The following FBXO32 variants were observed in gnomAD, a reference collection of about 807,000 sequenced individuals.
FBXO32 encodes F-box only protein 32.
In FBXO32, 15 loss-of-function variants were observed where a neutral mutation model predicts 48.3. That is an observed-to-expected ratio of 0.31 (90% CI 0.21 to 0.48). The LOEUF is 0.48. Among genes scored for constraint, FBXO32 ranks in the 20% least tolerant of loss-of-function variants. The probability of loss-of-function intolerance (pLI) is 0.99; values close to 1 mark genes in which losing one functional copy is unlikely to be tolerated. For synonymous variants in FBXO32, 154 were observed against 165.9 expected, an observed-to-expected ratio of 0.93 and a Z score of 0.55; for missense variants, 309 against 432.7, an observed-to-expected ratio of 0.71 and a Z score of 2.54.
chr8:123,537,044 C>T (rs1817322501), intron 1 of FBXO32, among the ~76,000 whole-genome samples: 1 of 152,074 alleles, frequency 6.6e-6, no homozygotes, highest in Non-Finnish European at 1.5e-5. Flanking sequence ...GGAGGAAGGG[C>T]CTGGAAAGAA....
rs1286605227 is a variant in FBXO32, at chr8:123,503,009, A to ATT, written c.*362_*363dup. The ATT allele has an allele frequency of 6.3e-6, 1 of 158,560 alleles. No homozygotes were observed. The highest frequency in any genetic ancestry group is 2.4e-5 in the African/African-American group (1 of 41,648). 9.8% of individuals were successfully genotyped at this position (158,560 alleles called of 1,614,324 possible). A position where few individuals can be genotyped will look rare whatever the true frequency, so the allele number is the denominator to read the frequency against. ...TTGTAAACAAAGCGTCCTATTTTGTATTTGAGTTTTGCCTTTTTCTTCCTA... is the reference window on the plus strand; with the variant it reads ...TTGTAAACAAAGCGTCCTATTTTGTATTTTTGAGTTTTGCCTTTTTCTTCCTA... On this transcript the variant is annotated 3_prime_UTR_variant, in exon 9 of 9. Transcript: ENST00000517956.
intron 3 of FBXO32, 76 bp downstream of exon 3, chr8:123,533,115 C>G (rs891943516): frequency 1.8e-6 from 2 of 1,106,694 alleles, no homozygotes; most frequent in African/African-American, 3.1e-5. Flanking sequence ...TAATTTCCCT[C>G]CCTACCATAT....
chr8:123,509,641 A>T (rs1397801919), intron 6 of FBXO32, among the ~76,000 whole-genome samples: 2 of 152,212 alleles, frequency 1.3e-5, no homozygotes, highest in Non-Finnish European at 2.9e-5. Context: ...CCAAGGCTGC[A>T]GTGACCTAGG....
intron 1 of FBXO32, among the ~76,000 whole-genome samples, chr8:123,537,222 G>T (rs192238541): frequency 2.0e-5 from 3 of 151,334 alleles, no homozygotes; most frequent in African/African-American, 7.3e-5. Context: ...CACCATTTAG[G>T]AATTGGAGCA....
At chr8:123,530,972 ATTTT>A (rs35151201) in intron 4 of FBXO32, among the ~76,000 whole-genome samples, 16 of 68,988 alleles carry the variant, frequency 2.3e-4, no homozygotes, top group African/African-American at 3.6e-4. Flanking sequence ...ATCCAGTCAG[ATTTT>A]TTTTTTTTTT....
At chr8:123,508,503 C>T (rs1207557105) in intron 6 of FBXO32, among the ~76,000 whole-genome samples, 1 of 152,136 alleles carries the variant, frequency 6.6e-6, no homozygotes, top group Non-Finnish European at 1.5e-5. Flanking sequence ...TCTGAAGATC[C>T]CTTCCAGCTC....
At chr8:123,504,466 A>T (rs1816569226) in intron 8 of FBXO32, 138 bp downstream of exon 8, 1 of 333,916 alleles carries the variant, frequency 3.0e-6, no homozygotes. Flanking sequence ...CAGGCACTGA[A>T]TCAGTTTACC....
chr8:123,523,446 C>T (rs1375211677), intron 4 of FBXO32, among the ~76,000 whole-genome samples: 8 of 151,970 alleles, frequency 5.3e-5, no homozygotes, highest in Non-Finnish European at 7.4e-5. Flanking sequence ...ATAAATTAGC[C>T]GGGCATGGTG....
intron 4 of FBXO32, among the ~76,000 whole-genome samples, chr8:123,515,776 G>A (rs1371257453): frequency 2.0e-5 from 3 of 151,864 alleles, no homozygotes; most frequent in Non-Finnish European, 2.9e-5. Context: ...GGTAGATCAC[G>A]AGGTCAAGAG....
At chr8:123,509,081 T>C (rs1357368505) in intron 6 of FBXO32, among the ~76,000 whole-genome samples, 1 of 152,204 alleles carries the variant, frequency 6.6e-6, no homozygotes, top group Non-Finnish European at 1.5e-5. Flanking sequence ...CTGTATTTGA[T>C]TTTTTCCCCA....
chr8:123,512,854 C>T (rs1295951561), intron 6 of FBXO32, among the ~76,000 whole-genome samples: 2 of 152,188 alleles, frequency 1.3e-5, no homozygotes, highest in African/African-American at 2.4e-5. Flanking sequence ...AGGCTGCAAA[C>T]AACTCATGCT....
At chr8:123,530,483 G>A (rs1403243482) in intron 4 of FBXO32, among the ~76,000 whole-genome samples, 1 of 152,184 alleles carries the variant, frequency 6.6e-6, no homozygotes, top group Non-Finnish European at 1.5e-5. Context: ...CAGGTTGACT[G>A]CTGACAAAAA....
intron 7 of FBXO32, among the ~76,000 whole-genome samples, chr8:123,505,639 G>C (rs555560396): frequency 6.6e-6 from 1 of 152,298 alleles, no homozygotes; most frequent in Admixed American, 6.5e-5. Context: ...GGGAGGCTGA[G>C]GCAGGAGAAT....
intron 4 of FBXO32, among the ~76,000 whole-genome samples, chr8:123,529,559 G>C (rs1817157275): frequency 6.6e-6 from 1 of 152,202 alleles, no homozygotes; most frequent in African/African-American, 2.4e-5. Flanking sequence ...GAAATCAGTG[G>C]AGCTAGGACC....
intron 4 of FBXO32, among the ~76,000 whole-genome samples, chr8:123,522,066 G>A (rs992654685): frequency 6.6e-6 from 1 of 152,124 alleles, no homozygotes; most frequent in Non-Finnish European, 1.5e-5. Flanking sequence ...TGTCAAGATT[G>A]GATAAATATT....
At chr8:123,521,547 G>A (rs1816955688) in intron 4 of FBXO32, among the ~76,000 whole-genome samples, 1 of 152,218 alleles carries the variant, frequency 6.6e-6, no homozygotes, top group African/African-American at 2.4e-5. Flanking sequence ...TGGAGGGACA[G>A]TAAACACTTG....
In FBXO32 at chr8:123,506,502, C is replaced by T. The variant is rs760454825; in HGVS notation, c.724G>A (p.Asp242Asn). The T allele has an allele frequency of 2.5e-6, 4 of 1,613,802 alleles. No homozygotes were observed. The highest frequency in any genetic ancestry group is 2.7e-5 in the African/African-American group (2 of 74,896). ...CCCAGGCTGACCAGGTCCCGCCCGTCGCTCAGCCTCTGCATGATGTTCAGT... is the reference window on the plus strand; with the variant it reads ...CCCAGGCTGACCAGGTCCCGCCCGTTGCTCAGCCTCTGCATGATGTTCAGT... ...LQLNIMQRLS[D>N]GRDLVSLGQA... The change falls in exon 7 of 9, where the codon GAC becomes AAC. Residue 242 changes from aspartate to asparagine, a missense_variant. Asp to Asn is a conservative substitution (Grantham distance 23). Transcript: ENST00000517956. The surrounding 1 kb of genome is among the most constrained non-coding windows in gnomAD (Gnocchi z 4.0).
Position 123,503,230 on chromosome 8 carries a change from A to T in FBXO32, c.*143T>A, listed in dbSNP as rs1296461580. The T allele has an allele frequency of 5.2e-6, 3 of 576,244 alleles. No homozygotes were observed. Among genetic ancestry groups the T allele is most frequent in the Non-Finnish European group, 9.0e-6 (3 of 335,068 alleles). 35.7% of individuals were successfully genotyped at this position (576,244 alleles called of 1,614,324 possible). A position where few individuals can be genotyped will look rare whatever the true frequency, so the allele number is the denominator to read the frequency against. On this transcript the variant is annotated 3_prime_UTR_variant, in exon 9 of 9. Transcript: ENST00000517956. ...GTCAGCAACTGCATTTCTCCCCTCC[A>T]ATGTCCTCTCCATGACTTATCTCTG...
chr8:123,506,320 A>AG lies in FBXO32; in HGVS notation c.834+71dup. On this transcript the variant is annotated intron_variant, in intron 7 of 8. Transcript: ENST00000517956. This position sits in a 1 kb window ranked among gnomAD's most constrained non-coding sequence, Gnocchi z 4.0. ...GGGAACCCAGACCTCAGGCTTGAGC[A>AG]GGGCACCAAGGAAGTTTGGGGTGAG... 4 of 1,510,390 alleles carry AG rather than the reference A, an allele frequency of 2.6e-6. No individual in the cohort carries two copies. Among genetic ancestry groups the AG allele is most frequent in the Non-Finnish European group, 3.6e-6 (4 of 1,098,616 alleles). The allele number at this position is 1,510,390 out of a possible 1,614,324, so 93.6% of individuals were successfully genotyped here.
Sources: allele counts gnomAD v4.1 joint callset (sites outside exome capture counted in the v4.1 genomes callset), GRCh38; gene constraint gnomAD v4.1.1; non-coding constraint Gnocchi (gnomAD v3.1); transcripts MANE v1.5; gene names NCBI Gene and HGNC (gene_info 2026-07-23, HGNC 2026-07-21).